The following CNTN4 variants were observed in gnomAD, a reference collection of about 807,000 sequenced individuals.
CNTN4 encodes the protein contactin 4, also known as contactin-4.
In CNTN4, 77 loss-of-function variants were observed where a neutral mutation model predicts 122.5. The ratio of observed to expected loss-of-function variants is 0.63; its 90% CI spans 0.52 to 0.76. CNTN4 has a LOEUF of 0.76. Ranked by LOEUF, CNTN4 falls within the 30% of genes least tolerant of loss-of-function variation. CNTN4 has a pLI of 0.00. For synonymous variants in CNTN4, 512 were observed against 447.0 expected (o/e 1.15, Z -1.83); for missense variants, 1,256 against 1,259.1 (o/e 1.00, Z 0.04).
At chr3:2,336,523 A>G (rs2043961582) in intron 2 of CNTN4, among the ~76,000 whole-genome samples, 1 of 152,162 alleles carries the variant, frequency 6.6e-6, no homozygotes, top group African/African-American at 2.4e-5. Context: ...GCACAAAGCC[A>G]GGACTTTGTA....
chr3:2,851,583 G>T (rs529695760), intron 7 of CNTN4, among the ~76,000 whole-genome samples: 1 of 152,160 alleles, frequency 6.6e-6, no homozygotes, highest in African/African-American at 2.4e-5. Flanking sequence ...TCTCACCTTC[G>T]CTTGGCGTTT....
chr3:2,803,272 G>A (rs59000776), intron 6 of CNTN4, among the ~76,000 whole-genome samples: 11,707 of 152,138 alleles, frequency 0.077, 520 homozygotes, highest in African/African-American at 0.1. Context: ...AACTAAAATA[G>A]TAAGTATTGT....
chr3:2,952,608 T>C (rs561651224), intron 13 of CNTN4, among the ~76,000 whole-genome samples: 4 of 152,350 alleles, frequency 2.6e-5, no homozygotes, highest in African/African-American at 9.6e-5. Flanking sequence ...GTAGATACCA[T>C]TCCCTACTGA....
intron 6 of CNTN4, among the ~76,000 whole-genome samples, chr3:2,762,081 G>A (rs1576692450): frequency 6.6e-6 from 1 of 152,186 alleles, no homozygotes; most frequent in African/African-American, 2.4e-5. Flanking sequence ...AGGGAAGACA[G>A]ACATTGAACA....
chr3:2,552,036 T>G (rs1376166827), intron 3 of CNTN4, among the ~76,000 whole-genome samples: 1 of 152,178 alleles, frequency 6.6e-6, no homozygotes, highest in East Asian at 1.9e-4. Context: ...GTCTTCACTA[T>G]CCACTCTGTT....
chr3:3,055,287 C>G (rs1034427537), intron 24 of CNTN4, among the ~76,000 whole-genome samples: 3 of 152,174 alleles, frequency 2.0e-5, no homozygotes, highest in Admixed American at 6.5e-5. Flanking sequence ...AAAAATCTGA[C>G]TTTATACTTC....
At chr3:2,288,526 A>G (rs2042021541) in intron 2 of CNTN4, among the ~76,000 whole-genome samples, 1 of 152,164 alleles carries the variant, frequency 6.6e-6, no homozygotes, top group Non-Finnish European at 1.5e-5. Flanking sequence ...AACATTGAGG[A>G]TCGGATTCAA....
chr3:2,787,793 G>GTTTTTTTGTTT (rs2091885202), intron 6 of CNTN4, among the ~76,000 whole-genome samples: 2 of 138,498 alleles, frequency 1.4e-5, no homozygotes, highest in African/African-American at 5.3e-5. Context: ...GTGGGTTTTT[G>GTTTTTTTGTTT]TTTTTTTTTT....
intron 4 of CNTN4, among the ~76,000 whole-genome samples, chr3:2,735,074 G>C (rs1212934614): frequency 6.6e-6 from 1 of 152,084 alleles, no homozygotes; most frequent in Admixed American, 6.6e-5. Flanking sequence ...TACAAAAATA[G>C]GTAAGATACA....
At chr3:2,418,003 A>G (rs2047478970) in intron 3 of CNTN4, among the ~76,000 whole-genome samples, 1 of 152,202 alleles carries the variant, frequency 6.6e-6, no homozygotes, top group African/African-American at 2.4e-5. Flanking sequence ...AGATTAATAG[A>G]GCACAGAGGA....
At chr3:2,973,054 A>T (rs965416060) in intron 13 of CNTN4, among the ~76,000 whole-genome samples, 1 of 152,188 alleles carries the variant, frequency 6.6e-6, no homozygotes, top group East Asian at 1.9e-4. Context: ...AGAATTATTT[A>T]TTGGAACCCA....
intron 2 of CNTN4, among the ~76,000 whole-genome samples, chr3:2,335,966 A>G (rs2043938465): frequency 6.6e-6 from 1 of 152,136 alleles, no homozygotes; most frequent in African/African-American, 2.4e-5. Flanking sequence ...GTTGTACTAG[A>G]CTGTACACCT....
At chr3:3,034,013 G>T (rs1035385208) in intron 16 of CNTN4, among the ~76,000 whole-genome samples, 5 of 152,178 alleles carry the variant, frequency 3.3e-5, no homozygotes, top group African/African-American at 1.2e-4. Context: ...TGACTCTTGC[G>T]CACCGGCCAT....
chr3:3,042,258 C>A, intron 20 of CNTN4, 52 bp from the exon 21 acceptor site: 2 of 1,239,602 alleles, frequency 1.6e-6, no homozygotes, highest in Non-Finnish European at 2.4e-6. Context: ...TATCTACAAT[C>A]CTGTCCTAAT....
intron 4 of CNTN4, among the ~76,000 whole-genome samples, chr3:2,637,462 C>T (rs560165923): frequency 9.9e-5 from 15 of 151,922 alleles, no homozygotes; most frequent in African/African-American, 3.4e-4. Flanking sequence ...GTCCTCCTTT[C>T]AAAAGGAGCC....
rs67168398 is a variant in CNTN4, at chr3:2,658,965, GACACACACACAC to G, written c.56-77216_56-77205del. On this transcript the variant is annotated intron_variant, in intron 4 of 24. Coordinates refer to ENST00000418658, the MANE Select transcript of CNTN4 (RefSeq NM_175607.3). Reference sequence around the variant, plus strand: ...AATAACACACCCACACACACAAACAGACACACACACACACACACACACACACACACACACACA... The same window carrying G: ...AATAACACACCCACACACACAAACAGACACACACACACACACACACACACA... Among the ~76,000 whole-genome samples, 114 of 139,708 alleles carry G rather than the reference GACACACACACAC, an allele frequency of 8.2e-4. 2 individuals are homozygous for G. Among genetic ancestry groups the G allele is most frequent in the Middle Eastern group, 3.7e-3 (1 of 268 alleles). The allele number at this position is 139,708 out of a possible 152,430, so 91.7% of individuals were successfully genotyped here.
rs114879630 is a variant in CNTN4 at position 2,522,824 on chromosome 3, A to C, written c.-88-48592A>C. 1.3e-3 allele frequency among the ~76,000 whole-genome samples: 205 copies of C among 152,208 alleles called. 1 individual carries two copies. Among genetic ancestry groups the C allele is most frequent in the African/African-American group, 4.8e-3 (201 of 41,548 alleles). On this transcript the variant is annotated intron_variant, in intron 3 of 24. Coordinates refer to ENST00000418658, the MANE Select transcript of CNTN4 (RefSeq NM_175607.3). ...CTGTTCAGCCCACATGAGATTTCCC[A>C]ACTGAGGAATTCTTTCTTGAGTGTC...
chr3:2,112,401 G>A (rs1042383669), intron 2 of CNTN4, among the ~76,000 whole-genome samples: 1 of 152,128 alleles, frequency 6.6e-6, no homozygotes, highest in African/African-American at 2.4e-5. Context: ...TCACTTTATA[G>A]GTGCTTTGAA....
chr3:2,580,858 G>A (rs985797748), intron 4 of CNTN4, among the ~76,000 whole-genome samples: 5 of 152,180 alleles, frequency 3.3e-5, no homozygotes, highest in Non-Finnish European at 7.3e-5. Flanking sequence ...TAAGTTCATA[G>A]ATAAGGGGTT....
Sources: gnomAD v4.1 joint callset for allele counts (sites outside exome capture counted in the v4.1 genomes callset) on GRCh38, gnomAD v4.1.1 for gene constraint, MANE v1.5 for transcripts, NCBI Gene and HGNC (gene_info 2026-07-23, HGNC 2026-07-21) for gene names.